Variants in DNMBP observed in about 807,000 individuals in gnomAD.
The protein encoded by DNMBP is dynamin binding protein.
In DNMBP, 87 loss-of-function variants were observed where a neutral mutation model predicts 150.0. The observed-to-expected ratio is 0.58, with a 90% CI of 0.49 to 0.69. The LOEUF (loss-of-function observed/expected upper bound fraction) is 0.69. Ranked by LOEUF, DNMBP falls within the 30% of genes least tolerant of loss-of-function variation. The probability of loss-of-function intolerance (pLI) is 0.00; values close to 1 mark genes in which losing one functional copy is unlikely to be tolerated. For synonymous variants in DNMBP, 711 were observed against 750.4 expected (o/e 0.95, Z 0.86); for missense variants, 1,774 against 1,949.0 (o/e 0.91, Z 1.69).
chr10:99,879,885 C>T lies in DNMBP; in HGVS notation c.4474G>A (p.Gly1492Arg). ...RNGQSQDLVK[G>R]CARTAQAPED... ...GGAGCCTGGGCTGTTCTTGCACATC[C>T]TTTGACGAGGTCTTGACTTTGCCCA... Residue 1492 changes from glycine (G) to arginine (R), a missense_variant, in exon 16 of 17, where the codon GGA (glycine) becomes AGA (arginine). Gly to Arg is a moderately radical substitution (Grantham distance 125). Coordinates refer to ENST00000324109, the MANE Select transcript of DNMBP (RefSeq NM_015221.4). 6.2e-7 allele frequency: 1 copy of T among 1,614,248 alleles called. No individual in the cohort carries two copies. The highest frequency in any genetic ancestry group is 8.5e-7 in the Non-Finnish European group (1 of 1,180,052).
chr10:99,974,244 T>C (rs1472969230), intron 1 of DNMBP, among the ~76,000 whole-genome samples: 2 of 152,242 alleles, frequency 1.3e-5, no homozygotes. Context: ...TGTTTTTGGT[T>C]CACAGAAGTC....
intron 2 of DNMBP, among the ~76,000 whole-genome samples, chr10:99,971,072 A>G (rs1198760657): frequency 6.6e-6 from 1 of 152,070 alleles, no homozygotes; most frequent in East Asian, 1.9e-4. Context: ...ATAGCACTGA[A>G]CACAAAGGAT....
chr10:99,907,897 T>A lies in DNMBP; in HGVS notation c.2554+98A>T, dbSNP rs574356873. The A allele has an allele frequency of 3.3e-5, 27 of 817,030 alleles. No homozygotes were observed. The South Asian group carries it at 4.2e-4, about 13-fold the overall frequency. The allele number at this position is 817,030 out of a possible 1,614,324, so 50.6% of individuals were successfully genotyped here. A position where few individuals can be genotyped will look rare whatever the true frequency, so the allele number is the denominator to read the frequency against. ...GGACTAAGTACCTACACCTGTATCT[T>A]CCCGGAGGCATAGTTACTCAGTATC... On this transcript the variant is annotated intron_variant, in intron 6 of 16. Coordinates refer to ENST00000324109, the MANE Select transcript of DNMBP (RefSeq NM_015221.4).
chr10:99,886,015 G>T, intron 13 of DNMBP, 149 bp from the exon 14 acceptor site: 1 of 883,736 alleles, frequency 1.1e-6, no homozygotes, highest in Non-Finnish European at 1.7e-6. Context: ...CTCATTCTCT[G>T]AGCTACCGAC....
chr10:99,880,898 G>A (rs777825706), intron 15 of DNMBP, among the ~76,000 whole-genome samples: 5 of 152,124 alleles, frequency 3.3e-5, no homozygotes, highest in Non-Finnish European at 7.3e-5. Context: ...CCAGTTCCCT[G>A]GTCAACACAG....
chr10:99,990,768 TATATACAC>T (rs1345991013), intron 1 of DNMBP, among the ~76,000 whole-genome samples: 1,218 of 121,190 alleles, frequency 0.01, 26 homozygotes, highest in African/African-American at 0.037. Flanking sequence ...TATATACACA[TATATACAC>T]ATATATACAC....
rs974131111 is a variant in DNMBP, at chr10:99,956,703, C to T, written c.771G>A (p.Leu257=). ...YGVALYRFQA[L]EPNELDFEVG... is the part of the protein sequence containing the mutation. ...CCTCGAAATCCAGCTCATTTGGCTC[C>T]AGGGCTTGGAATCTGTACAGGGCGA... Residue 257 remains leucine (L), a synonymous_variant, in exon 4 of 17, where the codon CTG becomes CTA. Coordinates refer to ENST00000324109, the MANE Select transcript of DNMBP (RefSeq NM_015221.4). The T allele has an allele frequency of 1.9e-6, 3 of 1,613,674 alleles. No individual in the cohort carries two copies. In the African/African-American group the frequency reaches 4.0e-5, roughly 22 times the overall value.
At chr10:99,918,297 A>C (rs2039988568) in intron 4 of DNMBP, among the ~76,000 whole-genome samples, 1 of 152,096 alleles carries the variant, frequency 6.6e-6, no homozygotes, top group South Asian at 2.1e-4. Flanking sequence ...TGCAGGGCTC[A>C]TAGCAGACTT....
At chr10:99,966,050 C>A (rs906580305) in intron 3 of DNMBP, among the ~76,000 whole-genome samples, 5 of 152,144 alleles carry the variant, frequency 3.3e-5, no homozygotes, top group Non-Finnish European at 7.3e-5. Flanking sequence ...TGACTTGTCA[C>A]GTATACAAAA....
At position 99,947,384 on chromosome 10, in the gene DNMBP, A is replaced by G. The variant is rs1420226407; in HGVS notation, c.2260+7830T>C. Among the ~76,000 whole-genome samples the G allele has an allele frequency of 3.3e-5, 5 of 152,268 alleles. No individual in the cohort carries two copies. In the East Asian group the frequency reaches 9.6e-4, roughly 29 times the overall value. On this transcript the variant is annotated intron_variant, in intron 4 of 16. Transcript: ENST00000324109. ...ACCATAAAATAGTATGTAGCCACAA[A>G]ATAGAATGAAATCATGTCCTTTGCA...
chr10:99,890,618 C>T (rs1336575325), intron 11 of DNMBP, among the ~76,000 whole-genome samples: 1 of 152,108 alleles, frequency 6.6e-6, no homozygotes, highest in Non-Finnish European at 1.5e-5. Context: ...AGCAGCAAGA[C>T]AAAGAAACAT....
At chr10:99,915,154 TATATACAC>T (rs1320276234) in intron 4 of DNMBP, among the ~76,000 whole-genome samples, 10 of 144,466 alleles carry the variant, frequency 6.9e-5, no homozygotes, top group South Asian at 4.3e-4. Flanking sequence ...TATATACATA[TATATACAC>T]ATATACACAT....
rs942604145 is a variant in DNMBP at position 99,885,671 on chromosome 10, TCA to T, written c.3798+14_3798+15del. ...TTACCCCGAGGCGGGGCTGCTGCTC[TCA>T]GTTCCCTACTCACCAGGCCCAGGAG... On this transcript the variant is annotated intron_variant, in intron 14 of 16. Coordinates refer to ENST00000324109, the MANE Select transcript of DNMBP (RefSeq NM_015221.4). The T allele has an allele frequency of 6.4e-7, 1 of 1,551,638 alleles. No homozygotes were observed. The highest frequency in any genetic ancestry group is 1.9e-5 in the Admixed American group (1 of 51,354).
At chr10:100,006,525 G>A (rs1369020231) in intron 1 of DNMBP, among the ~76,000 whole-genome samples, 1 of 152,086 alleles carries the variant, frequency 6.6e-6, no homozygotes, top group Non-Finnish European at 1.5e-5. Flanking sequence ...TCTCAACCCA[G>A]CAGCCAGTTA....
At chr10:99,993,074 A>G (rs2040913629) in intron 1 of DNMBP, among the ~76,000 whole-genome samples, 2 of 152,162 alleles carry the variant, frequency 1.3e-5, no homozygotes, top group African/African-American at 4.8e-5. Flanking sequence ...ACATAAAAAT[A>G]AAAATAAAAC....
chr10:100,000,514 G>A (rs1384026817), intron 1 of DNMBP, among the ~76,000 whole-genome samples: 1 of 152,172 alleles, frequency 6.6e-6, no homozygotes, highest in Non-Finnish European at 1.5e-5. Flanking sequence ...GATGCAGAGA[G>A]CTAATTTCTC....
chr10:99,964,842 G>A (rs1180992889), intron 3 of DNMBP, among the ~76,000 whole-genome samples: 2 of 149,296 alleles, frequency 1.3e-5, no homozygotes, highest in South Asian at 2.1e-4. Flanking sequence ...CTGCACTCCC[G>A]CCTGGGCGAC....
chr10:100,005,491 T>C (rs1047085376), intron 1 of DNMBP, among the ~76,000 whole-genome samples: 2 of 152,108 alleles, frequency 1.3e-5, no homozygotes, highest in African/African-American at 4.8e-5. Flanking sequence ...TGGTGGTTCA[T>C]ACCTGTAATC....
At chr10:99,901,204 G>A (rs982072541) in intron 6 of DNMBP, among the ~76,000 whole-genome samples, 2 of 152,180 alleles carry the variant, frequency 1.3e-5, no homozygotes, top group South Asian at 2.1e-4. Flanking sequence ...CCAAAGTGCT[G>A]GGATTACAGG....
Sources: allele counts gnomAD v4.1 joint callset (sites outside exome capture counted in the v4.1 genomes callset), GRCh38; gene constraint gnomAD v4.1.1; transcripts MANE v1.5; gene names NCBI Gene and HGNC (gene_info 2026-07-23, HGNC 2026-07-21).